HSD17B2: variants seen among roughly 807,000 people sequenced by gnomAD.
HSD17B2 encodes the protein 17-beta-hydroxysteroid dehydrogenase type 2.
HSD17B2 carries 32 observed loss-of-function variants against 26.9 expected under a neutral mutation model. That is an observed-to-expected ratio of 1.19 (90% CI 0.90 to 1.60). The LOEUF is 1.60. HSD17B2 is among the 40% of genes most tolerant of loss of function. The pLI is 0.00. For synonymous variants in HSD17B2, 246 were observed against 186.7 expected, an observed-to-expected ratio of 1.32 and a Z score of -2.59; for missense variants, 613 against 468.6, an observed-to-expected ratio of 1.31 and a Z score of -2.85.
intron 1 of HSD17B2, among the ~76,000 whole-genome samples, chr16:82,041,937 G>A (rs1913776613): frequency 6.6e-6 from 1 of 150,896 alleles, no homozygotes; most frequent in Non-Finnish European, 1.5e-5. Flanking sequence ...TTTAAATTTG[G>A]CATGTTTTAA....
At chr16:82,078,931 T>G (rs779598395) in intron 3 of HSD17B2, among the ~76,000 whole-genome samples, 4 of 152,228 alleles carry the variant, frequency 2.6e-5, no homozygotes, top group Non-Finnish European at 5.9e-5. Flanking sequence ...GTACAAAAAA[T>G]AGAACGAATG....
chr16:82,061,745 T>C (rs939096685), intron 1 of HSD17B2, among the ~76,000 whole-genome samples: 1 of 152,216 alleles, frequency 6.6e-6, no homozygotes, highest in African/African-American at 2.4e-5. Flanking sequence ...TATGGTGAGA[T>C]TATGGAGAAT....
At chr16:82,072,656 G>A (rs1468638355) in intron 3 of HSD17B2, among the ~76,000 whole-genome samples, 1 of 152,118 alleles carries the variant, frequency 6.6e-6, no homozygotes, top group African/African-American at 2.4e-5. Context: ...TGTGCTGTAG[G>A]CCCAGTGTCT....
chr16:82,068,502 C>T, intron 2 of HSD17B2, 120 bp downstream of exon 2: 2 of 770,380 alleles, frequency 2.6e-6, no homozygotes, highest in Admixed American at 2.5e-5. Flanking sequence ...TGAAGCACAC[C>T]TGTGCTGAAC....
chr16:82,059,831 C>T (rs1025676421), intron 1 of HSD17B2, among the ~76,000 whole-genome samples: 1 of 152,122 alleles, frequency 6.6e-6, no homozygotes, highest in Non-Finnish European at 1.5e-5. Context: ...CCGGGCACTT[C>T]AGTTGCTCAT....
intron 4 of HSD17B2, chr16:82,097,686 C>A (rs1369306173): frequency 6.4e-6 from 1 of 155,552 alleles, no homozygotes; most frequent in Non-Finnish European, 1.4e-5. Context: ...CGCCTGAAAT[C>A]TCAGCACTTT....
chr16:82,036,542 C>T (rs530485920), intron 1 of HSD17B2, among the ~76,000 whole-genome samples: 39 of 152,010 alleles, frequency 2.6e-4, no homozygotes, highest in Admixed American at 2.3e-3. Context: ...GAGATCATCA[C>T]CCCTCTGACC....
chr16:82,035,602 C>T lies in HSD17B2; in HGVS notation c.178C>T (p.Leu60Phe), dbSNP rs1049612176. ...CCTGTCCCCTTTTTGGGGCTTGATC[C>T]TCTTCTCGGTGTCATGCTTCCTCAT... ...LILSPFWGLI[L>F]FSVSCFLMYT... The change falls in exon 1 of 5, where the codon CTC becomes TTC. Residue 60 changes from leucine (L) to phenylalanine (F), a missense_variant. Physicochemically the swap from Leu to Phe is conservative, Grantham distance 22. Transcript: ENST00000199936. 10 of 1,613,858 alleles carry T rather than the reference C, an allele frequency of 6.2e-6. No homozygotes were observed. The highest frequency in any genetic ancestry group is 6.8e-6 in the Non-Finnish European group (8 of 1,180,038).
chr16:82,047,045 C>G (rs10514522), intron 1 of HSD17B2, among the ~76,000 whole-genome samples: 2,205 of 152,310 alleles, frequency 0.014, 51 homozygotes, highest in African/African-American at 0.044. Flanking sequence ...GACACAGAAT[C>G]TTATGCAAAG....
intron 1 of HSD17B2, chr16:82,044,240 G>C (rs1197291380): frequency 6.6e-6 from 1 of 152,172 alleles, no homozygotes; most frequent in African/African-American, 2.4e-5. Flanking sequence ...CAGATGCAGG[G>C]TTCTTCACCA....
At chr16:82,063,756 C>T (rs1157076597) in intron 1 of HSD17B2, among the ~76,000 whole-genome samples, 1 of 152,104 alleles carries the variant, frequency 6.6e-6, no homozygotes, top group Non-Finnish European at 1.5e-5. Flanking sequence ...TGGTTGAGGG[C>T]TGATCAGGAA....
At chr16:82,047,900 T>C (rs8044837) in intron 1 of HSD17B2, among the ~76,000 whole-genome samples, 93,456 of 152,032 alleles carry the variant, frequency 0.61, 28,907 homozygotes, top group Admixed American at 0.66. Flanking sequence ...GACAAAGGAA[T>C]GTAGAGAATG....
At position 82,035,441 on chromosome 16, in the gene HSD17B2, C is replaced by T. The variant is rs778966653; in HGVS notation, c.17C>T (p.Ser6Leu). The T allele has an allele frequency of 2.0e-5, 33 of 1,611,654 alleles. No homozygotes were observed. The highest frequency in any genetic ancestry group is 2.5e-5 in the Non-Finnish European group (30 of 1,178,616). MSTFF[S>L]DTAWICLAVP... ...TCACTGAGAATGAGCACTTTCTTCT[C>T]GGACACAGCATGGATCTGCCTGGCT... is the stretch of plus-strand genomic sequence containing the variant. The change falls in exon 1 of 5, where the codon TCG (serine) becomes TTG (leucine). Residue 6 changes from serine to leucine, a missense_variant. Transcript: ENST00000199936.
At chr16:82,068,473 C>T (rs1250813244) in intron 2 of HSD17B2, 91 bp downstream of exon 2, 10 of 1,050,898 alleles carry the variant, frequency 9.5e-6, no homozygotes, top group South Asian at 1.5e-5. Flanking sequence ...CCCCACTCCA[C>T]TCTGGGCACT....
intron 1 of HSD17B2, among the ~76,000 whole-genome samples, chr16:82,047,631 G>C (rs1361882052): frequency 6.6e-6 from 1 of 152,194 alleles, no homozygotes; most frequent in Non-Finnish European, 1.5e-5. Context: ...CCATGAGTTG[G>C]AAGGGCAAGC....
intron 4 of HSD17B2, 131 bp from the exon 5 acceptor site, chr16:82,097,944 A>AC: frequency 1.2e-6 from 1 of 849,888 alleles, no homozygotes; most frequent in Non-Finnish European, 1.7e-6. Flanking sequence ...TATCCCAAAA[A>AC]TAAAAAAATA....
rs773775427 is a variant in HSD17B2 at position 82,035,616 on chromosome 16, A to G, written c.192A>G (p.Ser64=). Residue 64 remains serine, a synonymous_variant, in exon 1 of 5, where the codon TCA becomes TCG. Transcript: ENST00000199936. ...GGGGCTTGATCCTCTTCTCGGTGTC[A>G]TGCTTCCTCATGTATACTTACTTAT... The part of the protein sequence containing the change: ...PFWGLILFSV[S]CFLMYTYLSG... 3 of 1,613,598 alleles carry G rather than the reference A, an allele frequency of 1.9e-6. No individual in the cohort carries two copies. The East Asian group carries it at 6.7e-5, about 36-fold the overall frequency.
chr16:82,057,225 A>G lies in HSD17B2; in HGVS notation c.266-10945A>G, dbSNP rs1314449536. Among the ~76,000 whole-genome samples the G allele has an allele frequency of 9.4e-5, 14 of 149,704 alleles. No homozygotes were observed. The East Asian group carries it at 2.7e-3, about 29-fold the overall frequency. On this transcript the variant is annotated intron_variant, in intron 1 of 4. Coordinates refer to ENST00000199936, the MANE Select transcript of HSD17B2 (RefSeq NM_002153.3). The stretch of plus-strand genomic sequence containing the variant: ...TTTTCTTTTTTTTTTTTTGAGAGAG[A>G]GTCCCCCTCCGTCACCAGGCTAGAG...
At chr16:82,088,785 T>C (rs1441986410) in intron 3 of HSD17B2, among the ~76,000 whole-genome samples, 3 of 152,234 alleles carry the variant, frequency 2.0e-5, no homozygotes, top group Non-Finnish European at 2.9e-5. Flanking sequence ...GAGAGTCTGC[T>C]TGATGCCAGA....
Sources: gnomAD v4.1 joint callset for allele counts (sites outside exome capture counted in the v4.1 genomes callset) on GRCh38, gnomAD v4.1.1 for gene constraint, MANE v1.5 for transcripts, NCBI Gene and HGNC (gene_info 2026-07-23, HGNC 2026-07-21) for gene names.